NDC80: variants seen among roughly 807,000 people sequenced by gnomAD.
NDC80 encodes NDC80 kinetochore complex component, also known as kinetochore protein NDC80 homolog.
Under a neutral mutation model 89.3 loss-of-function variants are expected in NDC80, and 69 were observed. The observed-to-expected ratio is 0.77, with a 90% CI of 0.64 to 0.94. The LOEUF (loss-of-function observed/expected upper bound fraction) is 0.94, where lower values mean the gene tolerates loss of function less well. Ranked by LOEUF, NDC80 falls within the 40% of genes least tolerant of loss-of-function variation. The pLI is 0.00. For synonymous variants in NDC80, 243 were observed against 255.6 expected (o/e 0.95, Z 0.47); for missense variants, 593 against 739.6 (o/e 0.80, Z 2.30).
At chr18:2,578,453 CAG>C (rs1259794927) in intron 5 of NDC80, among the ~76,000 whole-genome samples, 1 of 151,920 alleles carries the variant, frequency 6.6e-6, no homozygotes, top group Non-Finnish European at 1.5e-5. Flanking sequence ...TACAGAGCAA[CAG>C]AAGACAGAAT....
chr18:2,605,214 C>G (rs1395711467), intron 13 of NDC80, among the ~76,000 whole-genome samples: 2 of 149,866 alleles, frequency 1.3e-5, no homozygotes, highest in African/African-American at 4.9e-5. Flanking sequence ...AGTTTCAGGT[C>G]TCTGGGGCAT....
intron 11 of NDC80, among the ~76,000 whole-genome samples, chr18:2,597,683 T>C (rs1477335034): frequency 6.6e-6 from 1 of 150,870 alleles, no homozygotes; most frequent in Admixed American, 6.6e-5. Flanking sequence ...TGAGCCAAGA[T>C]CCCACTATTG....
intron 6 of NDC80, among the ~76,000 whole-genome samples, chr18:2,584,430 T>A (rs1377655674): frequency 1.3e-5 from 2 of 151,976 alleles, no homozygotes; most frequent in African/African-American, 4.8e-5. Flanking sequence ...TTAAATTTTC[T>A]ATTTTTTCAT....
intron 16 of NDC80, chr18:2,615,411 T>A (rs1215406842): frequency 6.6e-6 from 1 of 152,270 alleles, no homozygotes; most frequent in Non-Finnish European, 1.5e-5. Context: ...CTCCTTCCTT[T>A]ATCATTAAAG....
intron 1 of NDC80, among the ~76,000 whole-genome samples, chr18:2,571,974 T>C (rs533782993): frequency 1.3e-5 from 2 of 152,046 alleles, no homozygotes; most frequent in African/African-American, 4.8e-5. Flanking sequence ...CGGAAAGAGA[T>C]GGACAAGAGA....
chr18:2,611,301 G>A (rs7227220), intron 16 of NDC80, among the ~76,000 whole-genome samples: 10,158 of 152,004 alleles, frequency 0.067, 1,140 homozygotes, highest in African/African-American at 0.23. Context: ...CACCTGCCTC[G>A]GCCTCCCAAA....
rs372353495 is a variant in NDC80, at chr18:2,578,148, A to G, written c.476+7A>G. ...GAATCTTTAAAGACCTTGGGTATGT[A>G]TATTTCTTATTAGTTTAGAGACATG... On this transcript the variant is annotated splice_region_variant and intron_variant, in intron 5 of 16. Transcript: ENST00000261597. 12 of 1,609,824 alleles carry G rather than the reference A, an allele frequency of 7.5e-6. No homozygotes were observed. The African/African-American group carries it at 1.3e-4, about 18-fold the overall frequency.
chr18:2,595,534 G>A lies in NDC80; in HGVS notation c.1134G>A (p.Gln378=). The A allele has an allele frequency of 6.2e-7, 1 of 1,613,920 alleles. No homozygotes were observed. The highest frequency in any genetic ancestry group is 8.5e-7 in the Non-Finnish European group (1 of 1,179,860). The change falls in exon 11 of 17, where the codon CAG becomes CAA. Residue 378 remains glutamine, a synonymous_variant. Transcript: ENST00000261597. ...RINHERNELQ[Q]TINKLTKDLE... Reference sequence around the variant, plus strand: ...ATCATGAAAGAAATGAATTGCAGCAGACTATTAATAAATTAACCAAGGACC... The same window carrying A: ...ATCATGAAAGAAATGAATTGCAGCAAACTATTAATAAATTAACCAAGGACC...
Position 2,577,648 on chromosome 18 carries a change from TTGATGTTGATGTTAAAATGCAAAACTGC to T in NDC80, c.180-97_180-70del, listed in dbSNP as rs2072554054. The T allele has an allele frequency of 2.4e-6, 3 of 1,272,698 alleles. No homozygotes were observed. In the Admixed American group the frequency reaches 6.0e-5, roughly 26 times the overall value. The allele number at this position is 1,272,698 out of a possible 1,614,324, so 78.8% of individuals were successfully genotyped here. A position where few individuals can be genotyped will look rare whatever the true frequency, so the allele number is the denominator to read the frequency against. On this transcript the variant is annotated intron_variant, in intron 3 of 16. Transcript: ENST00000261597. The stretch of plus-strand genomic sequence containing the variant: ...CTGTTTAGTTATAAGAACGTAATGT[TTGATGTTGATGTTAAAATGCAAAACTGC>T]CTTGAAATAATTTAGACTTGATCAC...
At chr18:2,576,032 G>A (rs919971894) in intron 3 of NDC80, among the ~76,000 whole-genome samples, 2 of 152,154 alleles carry the variant, frequency 1.3e-5, no homozygotes, top group Non-Finnish European at 2.9e-5. Flanking sequence ...CCAGAAGGTC[G>A]AGGCTCCGGT....
intron 3 of NDC80, 87 bp downstream of exon 3, chr18:2,575,153 G>A: frequency 1.1e-6 from 1 of 918,004 alleles, no homozygotes; most frequent in Non-Finnish European, 1.7e-6. Flanking sequence ...TAGATGACAT[G>A]GTTCCTTTCG....
At chr18:2,595,269 A>G (rs2072648681) in intron 10 of NDC80, 147 bp from the exon 11 acceptor site, 1 of 180,318 alleles carries the variant, frequency 5.5e-6, no homozygotes, top group African/African-American at 2.6e-5. Context: ...TATATATACT[A>G]TAAAAACATA....
chr18:2,610,534 A>G (rs1568013124), intron 15 of NDC80, among the ~76,000 whole-genome samples: 1 of 152,222 alleles, frequency 6.6e-6, no homozygotes, highest in Admixed American at 6.5e-5. Flanking sequence ...ATATGTTAAA[A>G]CATGGTGCTC....
chr18:2,577,997 A>G lies in NDC80; in HGVS notation c.332A>G (p.Asn111Ser). The change falls in exon 5 of 17, where the codon AAT becomes AGT. Residue 111 changes from asparagine (N) to serine (S), a missense_variant. Asn to Ser is a conservative substitution (Grantham distance 46). Coordinates refer to ENST00000261597, the MANE Select transcript of NDC80 (RefSeq NM_006101.3). Reference protein sequence around the residue: ...EFLTENGYAHNVSMKSLQAPS... With the variant: ...EFLTENGYAHSVSMKSLQAPS... The stretch of plus-strand genomic sequence containing the variant: ...CTTACAGAAAATGGTTATGCACATA[A>G]TGTGTCCATGAAATCTCTACAAGCT... 1 of 1,614,018 alleles carries G rather than the reference A, an allele frequency of 6.2e-7. No homozygotes were observed. The highest frequency in any genetic ancestry group is 8.5e-7 in the Non-Finnish European group (1 of 1,179,986).
At chr18:2,607,965 G>GTGTATATA (rs1284761469) in intron 14 of NDC80, among the ~76,000 whole-genome samples, 1 of 68,152 alleles carries the variant, frequency 1.5e-5, no homozygotes, top group African/African-American at 5.6e-5. Context: ...TATATACATA[G>GTGTATATA]TATATATATA....
chr18:2,611,519 A>G (rs1340862860), intron 16 of NDC80, among the ~76,000 whole-genome samples: 1 of 152,218 alleles, frequency 6.6e-6, no homozygotes, highest in Admixed American at 6.5e-5. Flanking sequence ...TAAGCTTAAG[A>G]TGAAAGGGCA....
Position 2,575,009 on chromosome 18 carries a change from GA to G in NDC80, c.125del (p.Lys42SerfsTer2). ...TPQTKEKPTF[G>X]KLSINKPTSE... is the part of the protein sequence containing the mutation. ...TAAAGCAAAGAGAAACCAACCTTTG[GA>G]AAGTTGAGTATAAACAAACCGACAT... On this transcript the variant is annotated frameshift_variant, in exon 3 of 17. Coordinates refer to ENST00000261597, the MANE Select transcript of NDC80 (RefSeq NM_006101.3). LOFTEE classifies it high-confidence loss of function. The G allele has an allele frequency of 6.2e-7, 1 of 1,608,868 alleles. No individual in the cohort carries two copies. The highest frequency in any genetic ancestry group is 8.5e-7 in the Non-Finnish European group (1 of 1,177,684).
chr18:2,612,289 T>C (rs1480543517), intron 16 of NDC80, among the ~76,000 whole-genome samples: 1 of 119,796 alleles, frequency 8.3e-6, no homozygotes, highest in South Asian at 2.8e-4. Context: ...TTTTTTTTTT[T>C]TTTTTTTTTT....
chr18:2,601,610 G>A, intron 13 of NDC80, 125 bp downstream of exon 13: 2 of 460,702 alleles, frequency 4.3e-6, no homozygotes, highest in Middle Eastern at 6.2e-4. Context: ...GAAAAAATGA[G>A]AATTGGGTAT....
Sources: allele counts gnomAD v4.1 joint callset (sites outside exome capture counted in the v4.1 genomes callset), GRCh38; gene constraint gnomAD v4.1.1; transcripts MANE v1.5; gene names NCBI Gene and HGNC (gene_info 2026-07-23, HGNC 2026-07-21).